The following RGL1 variants were observed in gnomAD, a reference collection of about 807,000 sequenced individuals.
RGL1 encodes the protein ral guanine nucleotide dissociation stimulator-like 1.
Under a neutral mutation model 95.2 loss-of-function variants are expected in RGL1, and 24 were observed. The observed-to-expected ratio is 0.25, with a 90% confidence interval of 0.18 to 0.35. The LOEUF (loss-of-function observed/expected upper bound fraction) is 0.35, where lower values mean the gene tolerates loss of function less well. RGL1 is among the 10% of genes least tolerant of loss of function. The pLI is 1.00. For synonymous variants in RGL1, 329 were observed against 344.9 expected (o/e 0.95, Z 0.51); for missense variants, 715 against 936.3 (o/e 0.76, Z 3.08).
intron 2 of RGL1, among the ~76,000 whole-genome samples, chr1:183,809,872 G>C (rs539718140): frequency 6.6e-6 from 1 of 152,170 alleles, no homozygotes; most frequent in African/African-American, 2.4e-5. Flanking sequence ...TGGGAGGATC[G>C]CGTGAGCCAG....
At chr1:183,767,228 C>CAAAAAAAAAAAAAAAAAAAAAAAAAA (rs11300092) in intron 2 of RGL1, among the ~76,000 whole-genome samples, 1 of 102,308 alleles carries the variant, frequency 9.8e-6, no homozygotes, top group South Asian at 3.3e-4. Flanking sequence ...GACCCTGTCT[C>CAAAAAAAAAAAAAAAAAAAAAAAAAA]AAAAAAAAAA....
intron 1 of RGL1, among the ~76,000 whole-genome samples, chr1:183,641,940 A>T (rs948835039): frequency 6.6e-6 from 1 of 152,238 alleles, no homozygotes; most frequent in Non-Finnish European, 1.5e-5. Flanking sequence ...AAGAAGTTGC[A>T]CAAAATATTT....
intron 1 of RGL1, among the ~76,000 whole-genome samples, chr1:183,660,874 A>C (rs1651568495): frequency 6.6e-6 from 1 of 152,244 alleles, no homozygotes; most frequent in Non-Finnish European, 1.5e-5. Context: ...ACCACAGTGC[A>C]ATCAAACTAG....
chr1:183,763,237 C>G (rs1360173501), intron 2 of RGL1, among the ~76,000 whole-genome samples: 1 of 152,052 alleles, frequency 6.6e-6, no homozygotes, highest in East Asian at 1.9e-4. Flanking sequence ...TGGGACCTGT[C>G]AGGACATGGG....
intron 2 of RGL1, among the ~76,000 whole-genome samples, chr1:183,838,578 A>G (rs559062441): frequency 1.7e-4 from 26 of 152,282 alleles, no homozygotes; most frequent in African/African-American, 6.3e-4. Context: ...TGTCATACAC[A>G]TGCCCTTCTG....
intron 3 of RGL1, among the ~76,000 whole-genome samples, chr1:183,861,888 T>C (rs1276336317): frequency 2.0e-5 from 3 of 152,202 alleles, no homozygotes; most frequent in African/African-American, 7.2e-5. Flanking sequence ...TGAGTTTTGA[T>C]GGGAAGCTAT....
At chr1:183,762,249 A>G (rs1658708488) in intron 2 of RGL1, among the ~76,000 whole-genome samples, 1 of 152,194 alleles carries the variant, frequency 6.6e-6, no homozygotes, top group African/African-American at 2.4e-5. Flanking sequence ...ACTAAGTGTA[A>G]TCATTTCTAG....
intron 5 of RGL1, 26 bp downstream of exon 5, chr1:183,880,826 A>G (rs749863097): frequency 5.6e-6 from 9 of 1,607,004 alleles, no homozygotes; most frequent in Non-Finnish European, 5.1e-6. Context: ...TTCCCAGGGA[A>G]AAGGCTAGAT....
At chr1:183,833,430 A>G (rs1468874373) in intron 2 of RGL1, among the ~76,000 whole-genome samples, 1 of 152,212 alleles carries the variant, frequency 6.6e-6, no homozygotes, top group Non-Finnish European at 1.5e-5. Context: ...GTTAAAATGC[A>G]GACCACCTAG....
chr1:183,712,632 G>A (rs1655356137), intron 1 of RGL1, among the ~76,000 whole-genome samples: 1 of 152,178 alleles, frequency 6.6e-6, no homozygotes, highest in Non-Finnish European at 1.5e-5. Flanking sequence ...TTGCTAGGAT[G>A]ATTTGTTTTT....
chr1:183,755,765 TAA>T (rs1658286947), intron 2 of RGL1, among the ~76,000 whole-genome samples: 2 of 152,242 alleles, frequency 1.3e-5, no homozygotes, highest in Middle Eastern at 3.4e-3. Flanking sequence ...TGTGCTGTAA[TAA>T]GTGTCCACAG....
chr1:183,794,055 G>GACACACACACAC (rs147087444), intron 2 of RGL1, among the ~76,000 whole-genome samples: 2 of 145,916 alleles, frequency 1.4e-5, no homozygotes, highest in African/African-American at 2.5e-5. Context: ...AGAAAATGTG[G>GACACACACACAC]ACACACACAC....
chr1:183,796,318 C>T (rs1660700833), intron 2 of RGL1, among the ~76,000 whole-genome samples: 1 of 152,108 alleles, frequency 6.6e-6, no homozygotes, highest in South Asian at 2.1e-4. Context: ...CACATGCCAC[C>T]ACACCCAGCT....
At chr1:183,902,814 A>C (rs1287237637) in intron 12 of RGL1, among the ~76,000 whole-genome samples, 2 of 152,138 alleles carry the variant, frequency 1.3e-5, no homozygotes, top group African/African-American at 2.4e-5. Flanking sequence ...TGAGGAAGCT[A>C]GGACTCAAGA....
chr1:183,776,968 T>C (rs544158840), intron 2 of RGL1, among the ~76,000 whole-genome samples: 35 of 152,344 alleles, frequency 2.3e-4, no homozygotes, highest in Non-Finnish European at 4.1e-4. Context: ...ATGGTGCTGC[T>C]ATTTTTAATG....
intron 1 of RGL1, among the ~76,000 whole-genome samples, chr1:183,668,220 T>A (rs574554650): frequency 1.3e-5 from 2 of 152,352 alleles, no homozygotes; most frequent in South Asian, 4.1e-4. Flanking sequence ...TTAAAAATAT[T>A]ACTTGCAGGT....
intron 16 of RGL1, among the ~76,000 whole-genome samples, chr1:183,920,918 A>C (rs1307803156): frequency 1.3e-5 from 2 of 152,182 alleles, no homozygotes; most frequent in Non-Finnish European, 2.9e-5. Context: ...TGCCATCCTC[A>C]GGCACACAAT....
chr1:183,719,283 C>T (rs184574862), intron 1 of RGL1, among the ~76,000 whole-genome samples: 4 of 152,304 alleles, frequency 2.6e-5, no homozygotes, highest in African/African-American at 9.6e-5. Flanking sequence ...TGTTTTGAGA[C>T]ACTTACTGAG....
At position 183,880,730 on chromosome 1, in the gene RGL1, G is replaced by A. The variant is rs142969307; in HGVS notation, c.540G>A (p.Pro180=). 20 of 1,613,748 alleles carry A rather than the reference G, an allele frequency of 1.2e-5. No individual in the cohort carries two copies. Among genetic ancestry groups the A allele is most frequent in the African/African-American group, 8.0e-5 (6 of 74,896 alleles). Residue 180 remains proline (P), a synonymous_variant, in exon 5 of 18, where the codon CCG becomes CCA. Coordinates refer to ENST00000360851, the MANE Select transcript of RGL1 (RefSeq NM_001297671.3). Reference sequence around the variant, plus strand: ...TGGATTATCTCACACGGATGATGCCGGGCTCTGACCCAGAAAGAAGAGCAC... The same window carrying A: ...TGGATTATCTCACACGGATGATGCCAGGCTCTGACCCAGAAAGAAGAGCAC... ...KLLDYLTRMM[P]GSDPERRAQN...
Sources: gnomAD v4.1 joint callset for allele counts (sites outside exome capture counted in the v4.1 genomes callset) on GRCh38, gnomAD v4.1.1 for gene constraint, MANE v1.5 for transcripts, NCBI Gene and HGNC (gene_info 2026-07-23, HGNC 2026-07-21) for gene names.